The following CCSER1 variants were observed in gnomAD, a reference collection of about 807,000 sequenced individuals.
CCSER1 encodes coiled-coil serine rich protein 1.
Under a neutral mutation model 82.0 loss-of-function variants are expected in CCSER1, and 41 were observed. The ratio of observed to expected loss-of-function variants is 0.50; its 90% CI spans 0.39 to 0.65. CCSER1 has a LOEUF of 0.65. Among genes scored for constraint, CCSER1 ranks in the 30% least tolerant of loss-of-function variants. The probability of loss-of-function intolerance (pLI) is 0.00; values close to 1 mark genes in which losing one functional copy is unlikely to be tolerated. For missense variants in CCSER1, 1,119 were observed against 1,064.2 expected, an observed-to-expected ratio of 1.05 and a Z score of -0.72; for synonymous variants, 414 against 383.9, an observed-to-expected ratio of 1.08 and a Z score of -0.92.
At chr4:91,150,389 T>TG (rs1242979488) in intron 10 of CCSER1, among the ~76,000 whole-genome samples, 1 of 152,214 alleles carries the variant, frequency 6.6e-6, no homozygotes, top group Non-Finnish European at 1.5e-5. Context: ...GCTGGGATGA[T>TG]GGGGTTTTCT....
intron 7 of CCSER1, among the ~76,000 whole-genome samples, chr4:90,813,588 A>G (rs1240932308): frequency 2.6e-5 from 4 of 152,238 alleles, no homozygotes; most frequent in Non-Finnish European, 5.9e-5. Flanking sequence ...GATTGTGCAT[A>G]AGTCTCACAG....
rs775072687 is a variant in CCSER1, at chr4:90,628,086, C to T, written c.1786C>T (p.Arg596Ter). ...AGAAGCCAGGTGTTCCCACATCAGC[C>T]GAATGCCCAACAGTCCATCTGCGGA... The part of the protein sequence containing the change: ...DQEARCSHIS[R>*]MPNSPSADWP... Residue 596 changes from arginine (R) to a stop codon, truncating the protein, a stop_gained, in exon 6 of 11, where the codon CGA becomes TGA. Transcript: ENST00000509176. LOFTEE classifies it high-confidence loss of function. The T allele has an allele frequency of 2.5e-6, 4 of 1,613,312 alleles. No homozygotes were observed. Among genetic ancestry groups the T allele is most frequent in the African/African-American group, 1.3e-5 (1 of 74,786 alleles).
At chr4:91,320,449 A>T (rs1746120459) in intron 10 of CCSER1, among the ~76,000 whole-genome samples, 1 of 151,954 alleles carries the variant, frequency 6.6e-6, no homozygotes, top group African/African-American at 2.4e-5. Flanking sequence ...AAATTAAAGA[A>T]TTTTTCCTAA....
At chr4:90,321,566 C>T (rs774024533) in intron 3 of CCSER1, among the ~76,000 whole-genome samples, 6 of 151,968 alleles carry the variant, frequency 3.9e-5, no homozygotes, top group Admixed American at 3.3e-4. Context: ...TTCTTTTTTC[C>T]GAGTGCATAC....
At position 90,284,047 on chromosome 4, in the gene CCSER1, A is replaced by G. The variant is rs138848447; in HGVS notation, c.-41-24197A>G. Among the ~76,000 whole-genome samples, 344 of 151,970 alleles carry G rather than the reference A, an allele frequency of 2.3e-3. 1 individual carries two copies. The highest frequency in any genetic ancestry group is 7.8e-3 in the African/African-American group (323 of 41,526). ...CTGGGATGAGATGATATCTCATTGT[A>G]TTTTTGATTTGCATTTCTCTTATTA... On this transcript the variant is annotated intron_variant, in intron 1 of 10. Transcript: ENST00000509176.
At chr4:90,818,330 C>T (rs186757066) in intron 8 of CCSER1, among the ~76,000 whole-genome samples, 126 of 148,272 alleles carry the variant, frequency 8.5e-4, no homozygotes, top group African/African-American at 3.0e-3. Flanking sequence ...GGCTGGAGTG[C>T]AGTGGCATGA....
chr4:90,298,643 T>C (rs1732478982), intron 1 of CCSER1, among the ~76,000 whole-genome samples: 1 of 152,102 alleles, frequency 6.6e-6, no homozygotes, highest in African/African-American at 2.4e-5. Flanking sequence ...TGCTATAAAT[T>C]TCCCTCTACA....
At chr4:90,900,538 G>C (rs1026598663) in intron 8 of CCSER1, among the ~76,000 whole-genome samples, 2 of 151,830 alleles carry the variant, frequency 1.3e-5, no homozygotes, top group African/African-American at 4.8e-5. Context: ...TTCTGCTTTA[G>C]TTATTTGCGC....
intron 1 of CCSER1, among the ~76,000 whole-genome samples, chr4:90,150,407 C>T (rs1003147670): frequency 6.6e-6 from 1 of 151,924 alleles, no homozygotes; most frequent in Non-Finnish European, 1.5e-5. Context: ...TTGGTGAATT[C>T]CTACGTAGTT....
intron 7 of CCSER1, among the ~76,000 whole-genome samples, chr4:90,764,517 G>GT (rs1415432923): frequency 6.6e-6 from 1 of 152,054 alleles, no homozygotes; most frequent in African/African-American, 2.4e-5. Flanking sequence ...AATAATGGTG[G>GT]TTTTTGGAGT....
chr4:90,598,244 TA>T (rs1371822692), intron 5 of CCSER1, among the ~76,000 whole-genome samples: 1 of 152,050 alleles, frequency 6.6e-6, no homozygotes, highest in Admixed American at 6.6e-5. Context: ...TGCACCAATT[TA>T]TTTTTTTATT....
intron 1 of CCSER1, among the ~76,000 whole-genome samples, chr4:90,219,032 T>C (rs1741635649): frequency 6.6e-6 from 1 of 152,244 alleles, no homozygotes; most frequent in South Asian, 2.1e-4. Context: ...ATTAAAGGAT[T>C]TATGCAAAGG....
intron 10 of CCSER1, among the ~76,000 whole-genome samples, chr4:91,491,727 G>T (rs1025492247): frequency 6.6e-6 from 1 of 151,994 alleles, no homozygotes; most frequent in Non-Finnish European, 1.5e-5. Flanking sequence ...AGGAGCTGAA[G>T]AATATTTTTT....
intron 9 of CCSER1, among the ~76,000 whole-genome samples, chr4:91,005,552 CAT>C (rs759297478): frequency 1.3e-5 from 2 of 152,100 alleles, no homozygotes; most frequent in Non-Finnish European, 2.9e-5. Flanking sequence ...GTAATAATCA[CAT>C]AATATGAAAA....
chr4:91,392,363 G>GCGCACACACA (rs1553932164), intron 10 of CCSER1, among the ~76,000 whole-genome samples: 1 of 148,118 alleles, frequency 6.8e-6, no homozygotes, highest in African/African-American at 2.5e-5. Context: ...ACCTACACAT[G>GCGCACACACA]CACACACACA....
At chr4:91,433,229 A>G (rs183098764) in intron 10 of CCSER1, among the ~76,000 whole-genome samples, 17 of 152,302 alleles carry the variant, frequency 1.1e-4, no homozygotes, top group Admixed American at 1.0e-3. Flanking sequence ...ATTTCAGTCA[A>G]TGACAAACTA....
At chr4:91,004,206 T>C (rs1561463188) in intron 9 of CCSER1, among the ~76,000 whole-genome samples, 1 of 152,204 alleles carries the variant, frequency 6.6e-6, no homozygotes. Flanking sequence ...CTGCTCTGTC[T>C]GCAAATGAGC....
At chr4:90,128,391 C>T (rs1299587409) in intron 1 of CCSER1, among the ~76,000 whole-genome samples, 1 of 152,180 alleles carries the variant, frequency 6.6e-6, no homozygotes, top group Non-Finnish European at 1.5e-5. Flanking sequence ...GCGCCAGTTT[C>T]CTGGATTGGA....
intron 1 of CCSER1, among the ~76,000 whole-genome samples, chr4:90,267,258 T>G (rs540596238): frequency 6.6e-6 from 1 of 151,898 alleles, no homozygotes; most frequent in African/African-American, 2.4e-5. Context: ...AATCTCCTGC[T>G]TGGGGAAAGA....
Sources: allele counts gnomAD v4.1 joint callset (sites outside exome capture counted in the v4.1 genomes callset), GRCh38; gene constraint gnomAD v4.1.1; transcripts MANE v1.5; gene names NCBI Gene and HGNC (gene_info 2026-07-23, HGNC 2026-07-21).